Variants in ATP6V1H observed in about 807,000 individuals in gnomAD.
ATP6V1H encodes the protein V-type proton ATPase subunit H.
ATP6V1H carries 39 observed loss-of-function variants against 71.7 expected under a neutral mutation model. That is an observed-to-expected ratio of 0.54 (90% CI 0.42 to 0.71). The LOEUF (loss-of-function observed/expected upper bound fraction) is 0.71. ATP6V1H is among the 30% of genes least tolerant of loss of function. The pLI, the probability that ATP6V1H is intolerant of heterozygous loss-of-function variation, is 0.00. For synonymous variants in ATP6V1H, 192 were observed against 199.3 expected (o/e 0.96, Z 0.31); for missense variants, 509 against 594.9 (o/e 0.86, Z 1.50).
intron 11 of ATP6V1H, among the ~76,000 whole-genome samples, chr8:53,761,986 C>T (rs549967933): frequency 1.3e-5 from 2 of 152,204 alleles, no homozygotes; most frequent in Admixed American, 1.3e-4. Flanking sequence ...CAAGGAGCAA[C>T]CTGATTTACA....
At chr8:53,743,791 C>T in intron 12 of ATP6V1H, 101 bp from the exon 13 acceptor site, 3 of 720,546 alleles carry the variant, frequency 4.2e-6, no homozygotes, top group South Asian at 3.6e-5. Flanking sequence ...AGGAAAGTAA[C>T]AATGTACGTA....
At chr8:53,812,160 G>C (rs998276405) in intron 6 of ATP6V1H, among the ~76,000 whole-genome samples, 10 of 151,994 alleles carry the variant, frequency 6.6e-5, no homozygotes, top group Non-Finnish European at 1.3e-4. Flanking sequence ...ACAGCAAGAG[G>C]GACAGTGCAA....
chr8:53,826,859 G>A (rs1810836961), intron 4 of ATP6V1H, among the ~76,000 whole-genome samples: 1 of 152,000 alleles, frequency 6.6e-6, no homozygotes. Flanking sequence ...GGCAGAGGCA[G>A]GAGAATTGCT....
At chr8:53,743,713 G>A (rs1807498243) in intron 12 of ATP6V1H, 23 bp from the exon 13 acceptor site, 2 of 1,546,728 alleles carry the variant, frequency 1.3e-6, no homozygotes, top group Admixed American at 1.7e-5. Context: ...GAGACGTGGT[G>A]AGGAAGATGC....
intron 9 of ATP6V1H, among the ~76,000 whole-genome samples, chr8:53,787,173 T>C (rs1042568094): frequency 6.6e-6 from 1 of 152,194 alleles, no homozygotes; most frequent in African/African-American, 2.4e-5. Context: ...AAATGCTGTA[T>C]TAAAGGACTC....
At chr8:53,802,408 A>G (rs1201429256) in intron 7 of ATP6V1H, among the ~76,000 whole-genome samples, 1 of 152,192 alleles carries the variant, frequency 6.6e-6, no homozygotes, top group African/African-American at 2.4e-5. Flanking sequence ...AGCACCCTGA[A>G]TATTGTTAGA....
intron 9 of ATP6V1H, among the ~76,000 whole-genome samples, chr8:53,783,519 G>A (rs569258526): frequency 6.6e-6 from 1 of 152,120 alleles, no homozygotes; most frequent in African/African-American, 2.4e-5. Context: ...TTTTTTGAAG[G>A]GCTTTTTGTG....
intron 13 of ATP6V1H, among the ~76,000 whole-genome samples, chr8:53,719,780 T>C (rs991669650): frequency 6.6e-5 from 10 of 152,230 alleles, no homozygotes; most frequent in African/African-American, 2.2e-4. Context: ...CTTCATTAAC[T>C]TGCCCAAGAG....
intron 12 of ATP6V1H, among the ~76,000 whole-genome samples, chr8:53,744,006 C>A (rs186845022): frequency 3.3e-5 from 5 of 152,094 alleles, no homozygotes; most frequent in African/African-American, 1.2e-4. Flanking sequence ...TGAGTATTAA[C>A]GTTTTTATTA....
intron 12 of ATP6V1H, among the ~76,000 whole-genome samples, chr8:53,753,617 CTTCA>C (rs1807881225): frequency 1.3e-5 from 2 of 152,054 alleles, no homozygotes; most frequent in South Asian, 2.1e-4. Context: ...ATATTTTTAT[CTTCA>C]TTCATTTTTT....
At chr8:53,828,788 C>T (rs1810903499) in intron 4 of ATP6V1H, among the ~76,000 whole-genome samples, 2 of 152,122 alleles carry the variant, frequency 1.3e-5, no homozygotes, top group African/African-American at 4.8e-5. Context: ...CCTCCCTAAA[C>T]ACCCAGACTG....
At chr8:53,810,411 T>C (rs1278610152) in intron 7 of ATP6V1H, among the ~76,000 whole-genome samples, 1 of 152,170 alleles carries the variant, frequency 6.6e-6, no homozygotes, top group African/African-American at 2.4e-5. Context: ...ATGTAGATTA[T>C]TTATGTATTT....
At chr8:53,842,274 A>G (rs952428278) in intron 1 of ATP6V1H, among the ~76,000 whole-genome samples, 3 of 152,258 alleles carry the variant, frequency 2.0e-5, no homozygotes, top group African/African-American at 7.2e-5. Context: ...TAGTATTTGC[A>G]AAATCAAAAT....
chr8:53,724,042 T>TA (rs1482482234), intron 13 of ATP6V1H, among the ~76,000 whole-genome samples: 9 of 152,226 alleles, frequency 5.9e-5, no homozygotes, highest in African/African-American at 2.2e-4. Context: ...ACAAAAGTAG[T>TA]ATAACTACTT....
intron 12 of ATP6V1H, among the ~76,000 whole-genome samples, chr8:53,754,983 T>C (rs1807949601): frequency 6.6e-6 from 1 of 152,172 alleles, no homozygotes; most frequent in Admixed American, 6.5e-5. Flanking sequence ...GCATTTTGCT[T>C]AGGGGGTGCA....
At chr8:53,802,144 G>A (rs4737821) in intron 7 of ATP6V1H, among the ~76,000 whole-genome samples, 16,194 of 152,060 alleles carry the variant, frequency 0.11, 1,248 homozygotes, top group East Asian at 0.37. Flanking sequence ...AGGGAAATCC[G>A]GAACAAAATA....
chr8:53,731,399 A>C (rs940469096), intron 13 of ATP6V1H, among the ~76,000 whole-genome samples: 8 of 152,230 alleles, frequency 5.3e-5, no homozygotes, highest in Non-Finnish European at 1.2e-4. Context: ...GCCACACCCC[A>C]GGCCTGGTCT....
intron 9 of ATP6V1H, 94 bp from the exon 10 acceptor site, chr8:53,772,261 T>C (rs1808689019): frequency 3.0e-6 from 3 of 986,282 alleles, no homozygotes; most frequent in Middle Eastern, 3.1e-4. Flanking sequence ...TCTCTCCTCC[T>C]CCTATTCTCA....
At chr8:53,829,406 T>C (rs372414147) in intron 4 of ATP6V1H, 38 bp downstream of exon 4, 2 of 1,409,674 alleles carry the variant, frequency 1.4e-6, no homozygotes, top group Non-Finnish European at 1.0e-6. Flanking sequence ...TGCAAAAAAA[T>C]GAAGTCACCA....
Sources: gnomAD v4.1 joint callset for allele counts (sites outside exome capture counted in the v4.1 genomes callset) on GRCh38, gnomAD v4.1.1 for gene constraint, MANE v1.5 for transcripts, NCBI Gene and HGNC (gene_info 2026-07-23, HGNC 2026-07-21) for gene names.